The following CNTNAP5 variants were observed in gnomAD, a reference collection of about 807,000 sequenced individuals.
The protein encoded by CNTNAP5 is contactin-associated protein-like 5.
A neutral mutation model predicts 150.2 loss-of-function variants in CNTNAP5; 72 were observed. The ratio of observed to expected loss-of-function variants is 0.48; its 90% confidence interval spans 0.40 to 0.58. The LOEUF (loss-of-function observed/expected upper bound fraction) is 0.58. CNTNAP5 is among the 20% of genes least tolerant of loss of function. The pLI is 0.00. For missense variants in CNTNAP5, 1,636 were observed against 1,626.2 expected, an observed-to-expected ratio of 1.01 and a Z score of -0.10; for synonymous variants, 672 against 619.8, an observed-to-expected ratio of 1.08 and a Z score of -1.25.
At chr2:124,516,334 G>A (rs185715765) in intron 8 of CNTNAP5, among the ~76,000 whole-genome samples, 55 of 152,240 alleles carry the variant, frequency 3.6e-4, no homozygotes, top group South Asian at 6.2e-4. Flanking sequence ...AAAGTTGACA[G>A]CTACCTTCGA....
chr2:124,412,603 A>C (rs1691801407), intron 3 of CNTNAP5, among the ~76,000 whole-genome samples: 1 of 149,392 alleles, frequency 6.7e-6, no homozygotes, highest in South Asian at 2.1e-4. Flanking sequence ...GATCTTTGAC[A>C]AACCTGAGAA....
intron 3 of CNTNAP5, among the ~76,000 whole-genome samples, chr2:124,344,398 G>A (rs1169874949): frequency 6.6e-6 from 1 of 152,010 alleles, no homozygotes; most frequent in African/African-American, 2.4e-5. Flanking sequence ...ATACACTGCT[G>A]GAACAGACAT....
intron 3 of CNTNAP5, among the ~76,000 whole-genome samples, chr2:124,346,338 A>G (rs947728200): frequency 6.6e-5 from 10 of 152,180 alleles, no homozygotes; most frequent in African/African-American, 2.2e-4. Flanking sequence ...ACTCTGGTTT[A>G]TTTTTTATTT....
At chr2:124,866,650 G>A (rs189492561) in intron 20 of CNTNAP5, among the ~76,000 whole-genome samples, 2 of 152,166 alleles carry the variant, frequency 1.3e-5, no homozygotes, top group Admixed American at 1.3e-4. Context: ...TGTGTGGGAG[G>A]CACCCCATGA....
chr2:124,133,530 G>A (rs1308189537), intron 1 of CNTNAP5, among the ~76,000 whole-genome samples: 1 of 152,058 alleles, frequency 6.6e-6, no homozygotes, highest in Non-Finnish European at 1.5e-5. Context: ...CTTTCCCTCT[G>A]CTTATCTGGC....
At chr2:124,803,457 A>G (rs1334435401) in intron 19 of CNTNAP5, among the ~76,000 whole-genome samples, 1 of 152,208 alleles carries the variant, frequency 6.6e-6, no homozygotes, top group East Asian at 1.9e-4. Flanking sequence ...GTTGATAGAA[A>G]TGCAAAGTCA....
chr2:124,255,542 A>G (rs1687288451), intron 3 of CNTNAP5, among the ~76,000 whole-genome samples: 1 of 113,496 alleles, frequency 8.8e-6, no homozygotes, highest in Admixed American at 9.6e-5. Context: ...AATAAAATAA[A>G]ATAAAATAAA....
At chr2:124,109,658 C>T (rs1683251467) in intron 1 of CNTNAP5, among the ~76,000 whole-genome samples, 1 of 152,196 alleles carries the variant, frequency 6.6e-6, no homozygotes, top group Admixed American at 6.5e-5. Flanking sequence ...AAGGGATAAA[C>T]AGACAGCTGG....
chr2:124,636,721 C>T (rs1281535862), intron 12 of CNTNAP5, among the ~76,000 whole-genome samples: 1 of 151,876 alleles, frequency 6.6e-6, no homozygotes, highest in Non-Finnish European at 1.5e-5. Flanking sequence ...TTTTTTGGAG[C>T]TTAGAATAAT....
intron 13 of CNTNAP5, among the ~76,000 whole-genome samples, chr2:124,655,974 A>AGAAAGAAAGAAAGAAAGAAAGAAG (rs1678442612): frequency 2.7e-5 from 4 of 147,854 alleles, no homozygotes; most frequent in African/African-American, 7.5e-5. Flanking sequence ...AAAGAAAGAA[A>AGAAAGAAAGAAAGAAAGAAAGAAG]GAAAGAAAGA....
intron 11 of CNTNAP5, among the ~76,000 whole-genome samples, chr2:124,605,687 G>A (rs1437840359): frequency 6.6e-6 from 1 of 151,312 alleles, no homozygotes; most frequent in Non-Finnish European, 1.5e-5. Flanking sequence ...GCGGTGGTGT[G>A]TGCCTGTAGT....
rs1191420895 is a variant in CNTNAP5 at position 124,872,368 on chromosome 2, C to T, written c.3436+2606C>T. Among the ~76,000 whole-genome samples the T allele has an allele frequency of 1.4e-4, 18 of 132,100 alleles. No homozygotes were observed. In the Admixed American group the frequency reaches 1.5e-3, roughly 11 times the overall value. 86.7% of individuals were successfully genotyped at this position (132,100 alleles called of 152,430 possible). A position where few individuals can be genotyped will look rare whatever the true frequency, so the allele number is the denominator to read the frequency against. ...AATTTTTCCTGTGGTAACTTGTTTC[C>T]TTATGCTGTGTGTGTGTGTGTGTGT... On this transcript the variant is annotated intron_variant, in intron 21 of 23. Transcript: ENST00000682447.
In CNTNAP5 at chr2:124,122,789, CACA is replaced by C. The variant is rs1558764199; in HGVS notation, c.82+97058_82+97060del. ...ACACACACACACACACACACACACA[CACA>C]CCCACACCTTTTCCCAGCTAACAGG... On this transcript the variant is annotated intron_variant, in intron 1 of 23. Transcript: ENST00000682447. 3.7e-3 allele frequency among the ~76,000 whole-genome samples: 562 copies of C among 151,124 alleles called. 10 individuals are homozygous for C. Among genetic ancestry groups the C allele is most frequent in the South Asian group, 0.033 (157 of 4,780 alleles).
At chr2:124,699,787 C>A (rs1679480827) in intron 13 of CNTNAP5, among the ~76,000 whole-genome samples, 1 of 151,856 alleles carries the variant, frequency 6.6e-6, no homozygotes, top group African/African-American at 2.4e-5. Context: ...TTTCTCCTTT[C>A]TTTCTTTTCT....
chr2:124,242,648 C>T (rs1229561684), intron 3 of CNTNAP5, among the ~76,000 whole-genome samples: 3 of 152,100 alleles, frequency 2.0e-5, no homozygotes, highest in Non-Finnish European at 4.4e-5. Flanking sequence ...GACTGAGCCT[C>T]ACTTTCTTCA....
chr2:124,862,234 T>G (rs1172418980), intron 19 of CNTNAP5, among the ~76,000 whole-genome samples: 1 of 152,236 alleles, frequency 6.6e-6, no homozygotes, highest in Non-Finnish European at 1.5e-5. Context: ...GTGTGTCCTT[T>G]ATAGTGTAGC....
At chr2:124,123,856 G>C (rs1683625335) in intron 1 of CNTNAP5, among the ~76,000 whole-genome samples, 1 of 152,084 alleles carries the variant, frequency 6.6e-6, no homozygotes, top group African/African-American at 2.4e-5. Context: ...ACTGTTAGAA[G>C]GAAAACTAAC....
intron 6 of CNTNAP5, among the ~76,000 whole-genome samples, chr2:124,468,682 G>A (rs1693436491): frequency 6.6e-6 from 1 of 152,120 alleles, no homozygotes; most frequent in African/African-American, 2.4e-5. Flanking sequence ...CATCGCACTT[G>A]GCCTAAGGGA....
At chr2:124,100,862 C>T (rs1482303897) in intron 1 of CNTNAP5, among the ~76,000 whole-genome samples, 60 of 91,138 alleles carry the variant, frequency 6.6e-4, no homozygotes, top group Non-Finnish European at 1.2e-3. Context: ...GAGACTCTGT[C>T]TCAAAAAAAA....
Sources: allele counts gnomAD v4.1 joint callset (sites outside exome capture counted in the v4.1 genomes callset), GRCh38; gene constraint gnomAD v4.1.1; transcripts MANE v1.5; gene names NCBI Gene and HGNC (gene_info 2026-07-23, HGNC 2026-07-21).